The following MLLT3 variants were observed in gnomAD, a reference collection of about 807,000 sequenced individuals.
MLLT3 encodes MLLT3 super elongation complex subunit.
MLLT3 carries 4 observed loss-of-function variants against 53.2 expected under a neutral mutation model. That is an observed-to-expected ratio of 0.08 (90% CI 0.04 to 0.17). The LOEUF (loss-of-function observed/expected upper bound fraction) is 0.17, where lower values mean the gene tolerates loss of function less well. MLLT3 is among the 10% of genes least tolerant of loss of function. The pLI, the probability that MLLT3 is intolerant of heterozygous loss-of-function variation, is 1.00. For missense variants in MLLT3, 569 were observed against 684.0 expected (o/e 0.83, Z 1.87); for synonymous variants, 283 against 230.6 (o/e 1.23, Z -2.06).
intron 2 of MLLT3, among the ~76,000 whole-genome samples, chr9:20,497,274 C>G (rs1440574733): frequency 6.6e-6 from 1 of 152,096 alleles, no homozygotes; most frequent in East Asian, 1.9e-4. Flanking sequence ...GTTCTTTTTG[C>G]TCTATCTTTA....
chr9:20,509,776 A>C (rs901028740), intron 2 of MLLT3, among the ~76,000 whole-genome samples: 9 of 152,130 alleles, frequency 5.9e-5, no homozygotes, highest in African/African-American at 2.2e-4. Context: ...TTACTACCAC[A>C]TATTTTTGTT....
intron 2 of MLLT3, among the ~76,000 whole-genome samples, chr9:20,531,118 C>T: frequency 7.6e-6 from 1 of 131,620 alleles, no homozygotes; most frequent in Non-Finnish European, 1.6e-5. Flanking sequence ...TTTTTCTCCT[C>T]TCTATCCAAT....
At chr9:20,513,498 T>C (rs1038319387) in intron 2 of MLLT3, among the ~76,000 whole-genome samples, 5 of 152,214 alleles carry the variant, frequency 3.3e-5, no homozygotes, top group African/African-American at 9.6e-5. Context: ...AAATGAGCTA[T>C]GGGCCAAGGC....
chr9:20,344,151 CCTT>C lies in MLLT3; in HGVS notation c.*2289_*2291del. The C allele has an allele frequency of 5.1e-6, 1 of 195,412 alleles. No homozygotes were observed. The highest frequency in any genetic ancestry group is 8.2e-5 in the East Asian group (1 of 12,186). 12.1% of individuals were successfully genotyped at this position (195,412 alleles called of 1,614,324 possible). A position where few individuals can be genotyped will look rare whatever the true frequency, so the allele number is the denominator to read the frequency against. ...CTAAAGTTTATCATATAATAGCTGT[CCTT>C]CTTATCATTATTTTTGTTTGGTCAT... On this transcript the variant is annotated 3_prime_UTR_variant, in exon 11 of 11. Coordinates refer to ENST00000380338, the MANE Select transcript of MLLT3 (RefSeq NM_004529.4).
chr9:20,517,258 A>G (rs1817938532), intron 2 of MLLT3, among the ~76,000 whole-genome samples: 1 of 152,194 alleles, frequency 6.6e-6, no homozygotes, highest in Non-Finnish European at 1.5e-5. Context: ...TACCTACTGT[A>G]GAGGGCTACA....
At chr9:20,514,268 G>T (rs1388248906) in intron 2 of MLLT3, among the ~76,000 whole-genome samples, 1 of 152,172 alleles carries the variant, frequency 6.6e-6, no homozygotes, top group African/African-American at 2.4e-5. Context: ...GTGTCCTGAT[G>T]AGTGGAGGTT....
intron 2 of MLLT3, among the ~76,000 whole-genome samples, chr9:20,496,485 A>C (rs1825082453): frequency 6.6e-6 from 1 of 152,208 alleles, no homozygotes; most frequent in Non-Finnish European, 1.5e-5. Flanking sequence ...ATATTTGTTT[A>C]GCATAATTGA....
At chr9:20,435,195 T>A (rs1823371476) in intron 4 of MLLT3, among the ~76,000 whole-genome samples, 1 of 152,058 alleles carries the variant, frequency 6.6e-6, no homozygotes, top group Non-Finnish European at 1.5e-5. Context: ...TGGCTGTGAA[T>A]TTGTTTTGTT....
chr9:20,385,784 T>C (rs1822019537), intron 5 of MLLT3, among the ~76,000 whole-genome samples: 1 of 151,946 alleles, frequency 6.6e-6, no homozygotes, highest in Non-Finnish European at 1.5e-5. Flanking sequence ...CCTACAAGAG[T>C]CTCATATAAT....
intron 10 of MLLT3, among the ~76,000 whole-genome samples, chr9:20,346,850 G>A (rs116371927): frequency 0.016 from 2,503 of 152,136 alleles, 77 homozygotes; most frequent in African/African-American, 0.055. Context: ...ATATTTAACT[G>A]TGAGTGAGCA....
intron 2 of MLLT3, among the ~76,000 whole-genome samples, chr9:20,458,062 C>A (rs1407604319): frequency 6.6e-6 from 1 of 152,182 alleles, no homozygotes; most frequent in African/African-American, 2.4e-5. Flanking sequence ...CCACCAGTGC[C>A]TGGTCCTCCT....
At chr9:20,407,423 C>A (rs373249736) in intron 5 of MLLT3, among the ~76,000 whole-genome samples, 2 of 152,182 alleles carry the variant, frequency 1.3e-5, no homozygotes, top group South Asian at 4.1e-4. Context: ...TTCCCTCAAT[C>A]CTGGCTCTGC....
At chr9:20,421,089 C>A (rs1475815020) in intron 4 of MLLT3, among the ~76,000 whole-genome samples, 1 of 151,854 alleles carries the variant, frequency 6.6e-6, no homozygotes. Flanking sequence ...CATGGTGAAA[C>A]CCTGTCTCTA....
intron 5 of MLLT3, among the ~76,000 whole-genome samples, chr9:20,385,272 G>A (rs942984394): frequency 1.3e-5 from 2 of 152,034 alleles, no homozygotes; most frequent in East Asian, 3.9e-4. Context: ...AACTTTGTGT[G>A]ACAGTAGTAT....
intron 3 of MLLT3, among the ~76,000 whole-genome samples, chr9:20,451,299 T>C (rs990105945): frequency 2.0e-5 from 3 of 152,206 alleles, no homozygotes; most frequent in Non-Finnish European, 4.4e-5. Flanking sequence ...TCCTAAGTTC[T>C]ATTCCATATA....
At chr9:20,595,152 T>C (rs1245958726) in intron 2 of MLLT3, among the ~76,000 whole-genome samples, 1 of 151,026 alleles carries the variant, frequency 6.6e-6, no homozygotes, top group Non-Finnish European at 1.5e-5. Flanking sequence ...AGCCAAGGAG[T>C]TCAAGACCAG....
chr9:20,590,012 C>T (rs955632006), intron 2 of MLLT3, among the ~76,000 whole-genome samples: 2 of 152,164 alleles, frequency 1.3e-5, no homozygotes, highest in Non-Finnish European at 2.9e-5. Context: ...GATTTGTAAG[C>T]AGCCCTCTGT....
chr9:20,471,969 T>A (rs749317450), intron 2 of MLLT3, among the ~76,000 whole-genome samples: 1 of 152,012 alleles, frequency 6.6e-6, no homozygotes, highest in East Asian at 1.9e-4. Context: ...ATTATTAGAA[T>A]AGCATAATAC....
intron 4 of MLLT3, among the ~76,000 whole-genome samples, chr9:20,424,321 T>C (rs1326404343): frequency 6.6e-6 from 1 of 152,208 alleles, no homozygotes; most frequent in African/African-American, 2.4e-5. Flanking sequence ...CAGAGGGCTC[T>C]TGTGATACTG....
Sources: gnomAD v4.1 joint callset for allele counts (sites outside exome capture counted in the v4.1 genomes callset) on GRCh38, gnomAD v4.1.1 for gene constraint, MANE v1.5 for transcripts, NCBI Gene and HGNC (gene_info 2026-07-23, HGNC 2026-07-21) for gene names.